The following TULP4 variants were observed in gnomAD, a reference collection of about 807,000 sequenced individuals.
TULP4 encodes TUB like protein 4.
TULP4 carries 16 observed loss-of-function variants against 129.0 expected under a neutral mutation model. The observed-to-expected ratio is 0.12, with a 90% CI of 0.08 to 0.19. The LOEUF (loss-of-function observed/expected upper bound fraction) is 0.19, where lower values mean the gene tolerates loss of function less well. Among genes scored for constraint, TULP4 ranks in the 10% least tolerant of loss-of-function variants. The pLI is 1.00. For synonymous variants in TULP4, 998 were observed against 854.0 expected (o/e 1.17, Z -2.94); for missense variants, 1,842 against 2,059.1 (o/e 0.89, Z 2.04).
upstream of TULP4, among the ~76,000 whole-genome samples, chr6:158,280,681 A>T (rs1778733152): frequency 6.6e-6 from 1 of 152,236 alleles, no homozygotes; most frequent in Admixed American, 6.5e-5. Flanking sequence ...TTAATTGAAG[A>T]TATGATTTTG....
chr6:158,502,373 C>A lies in TULP4; in HGVS notation c.2710C>A (p.Arg904Ser). 6.2e-7 allele frequency: 1 copy of A among 1,613,800 alleles called. No individual in the cohort carries two copies. Among genetic ancestry groups the A allele is most frequent in the Non-Finnish European group, 8.5e-7 (1 of 1,179,950 alleles). ...SGNVEEVCRP[R>S]TRMLCSQNTY... ...CAACGTGGAGGAGGTGTGCCGGCCC[C>A]GCACCCGGATGCTGTGCTCCCAGAA... is the stretch of plus-strand genomic sequence containing the variant. The change falls in exon 13 of 14, where the codon CGC becomes AGC. Residue 904 changes from arginine to serine, a missense_variant. Arg to Ser is a moderately radical substitution (Grantham distance 110, BLOSUM62 -1). This residue lies in a region of TULP4 where 1,089 missense variants were observed against 987.1 expected (regional missense o/e 1.10). Coordinates refer to ENST00000367097, the MANE Select transcript of TULP4 (RefSeq NM_020245.5).
chr6:158,393,100 T>C (rs920913546), intron 1 of TULP4, among the ~76,000 whole-genome samples: 2 of 152,122 alleles, frequency 1.3e-5, no homozygotes, highest in Admixed American at 1.3e-4. Flanking sequence ...ACAAAGGGGC[T>C]ACAGGCCCCA....
rs571834354 is a variant in TULP4 at position 158,395,673 on chromosome 6, G to A, written c.253-17392G>A. 3.2e-4 allele frequency among the ~76,000 whole-genome samples: 42 copies of A among 132,100 alleles called. 4 individuals are homozygous for A. The highest frequency in any genetic ancestry group is 1.2e-3 in the African/African-American group (42 of 36,184). 86.7% of individuals were successfully genotyped at this position (132,100 alleles called of 152,430 possible). A position where few individuals can be genotyped will look rare whatever the true frequency, so the allele number is the denominator to read the frequency against. On this transcript the variant is annotated intron_variant, in intron 1 of 13. Coordinates refer to ENST00000367097, the MANE Select transcript of TULP4 (RefSeq NM_020245.5). ...CCCTGAGGTAAAGTGATGGGCGGGG[G>A]GGGGGTCATGGCAGAAGCACCTGGG...
intron 1 of TULP4, among the ~76,000 whole-genome samples, chr6:158,343,546 G>T (rs568889577): frequency 5.4e-4 from 82 of 152,132 alleles, no homozygotes; most frequent in African/African-American, 1.9e-3. Context: ...GCCCTAGAGA[G>T]CTCGCACCCT....
At chr6:158,504,772 G>A (rs1049349187) in intron 13 of TULP4, among the ~76,000 whole-genome samples, 6 of 151,998 alleles carry the variant, frequency 3.9e-5, no homozygotes, top group Non-Finnish European at 5.9e-5. Flanking sequence ...GATTACAGGC[G>A]TGAGCCAACG....
chr6:158,406,311 T>G (rs1296732863), intron 1 of TULP4, among the ~76,000 whole-genome samples: 1 of 152,168 alleles, frequency 6.6e-6, no homozygotes, highest in Non-Finnish European at 1.5e-5. Flanking sequence ...GATGTCTGTT[T>G]TAGCTCTAAA....
At chr6:158,415,332 TTAGA>T (rs34969218) in intron 2 of TULP4, among the ~76,000 whole-genome samples, 36,371 of 149,946 alleles carry the variant, frequency 0.24, 5,509 homozygotes, top group Non-Finnish European at 0.34. Context: ...TTTTATTATT[TTAGA>T]TAGAGTGTGC....
At chr6:158,265,098 C>T (rs1778424838) in intron 1 of TULP4, among the ~76,000 whole-genome samples, 1 of 152,126 alleles carries the variant, frequency 6.6e-6, no homozygotes, top group Non-Finnish European at 1.5e-5. Context: ...AGCACTGTCA[C>T]CACTGGTCTT....
chr6:158,283,893 C>T (rs769952807), intron 1 of TULP4, among the ~76,000 whole-genome samples: 24 of 152,072 alleles, frequency 1.6e-4, no homozygotes, highest in Admixed American at 5.9e-4. Context: ...TCTCCTTTGA[C>T]GGCTTATGTA....
chr6:158,330,755 C>A (rs1779859671), intron 1 of TULP4, among the ~76,000 whole-genome samples: 1 of 152,192 alleles, frequency 6.6e-6, no homozygotes, highest in Admixed American at 6.5e-5. Context: ...AGTTTAGGAC[C>A]ACACACTGCA....
intron 1 of TULP4, among the ~76,000 whole-genome samples, chr6:158,384,828 A>C (rs1391987034): frequency 6.6e-6 from 1 of 152,190 alleles, no homozygotes; most frequent in Non-Finnish European, 1.5e-5. Context: ...CTTGTGGGAC[A>C]AGGAGATTGT....
At chr6:158,365,010 C>T (rs1362180364) in intron 1 of TULP4, among the ~76,000 whole-genome samples, 2 of 152,086 alleles carry the variant, frequency 1.3e-5, no homozygotes, top group African/African-American at 4.8e-5. Flanking sequence ...GCTGGGATTA[C>T]AGGCGTGAGC....
intron 1 of TULP4, among the ~76,000 whole-genome samples, chr6:158,325,806 G>A (rs532542762): frequency 6.6e-6 from 1 of 152,248 alleles, no homozygotes; most frequent in East Asian, 1.9e-4. Flanking sequence ...AAGCTCAGTA[G>A]TGTGAGTTAA....
intron 1 of TULP4, among the ~76,000 whole-genome samples, chr6:158,356,635 TAAC>T (rs1780653825): frequency 6.6e-6 from 1 of 152,124 alleles, no homozygotes; most frequent in South Asian, 2.1e-4. Context: ...GTCCAATTCT[TAAC>T]AACGTCAGGA....
In TULP4 at chr6:158,502,240, C is replaced by G. The variant is rs759913942; in HGVS notation, c.2577C>G (p.Pro859=). 1.3e-6 allele frequency: 2 copies of G among 1,588,896 alleles called. No homozygotes were observed. The highest frequency in any genetic ancestry group is 1.1e-5 in the South Asian group (1 of 89,316). Residue 859 remains proline, a synonymous_variant, in exon 13 of 14, where the codon CCC becomes CCG. Transcript: ENST00000367097. ...CGCCCCCTCTGCCGCCCCCACAGCCCCCAGTGGATGTGTGCTTGAAGAAGG... is the reference window on the plus strand; with the variant it reads ...CGCCCCCTCTGCCGCCCCCACAGCCGCCAGTGGATGTGTGCTTGAAGAAGG... ...APPPPLPPPQ[P]PVDVCLKKGD... is the part of the protein sequence containing the mutation.
intron 6 of TULP4, 70 bp from the exon 7 acceptor site, chr6:158,479,681 G>A (rs974540563): frequency 9.0e-6 from 13 of 1,439,310 alleles, no homozygotes; most frequent in East Asian, 2.3e-5. Context: ...CGAGACAAGT[G>A]TGCATTATCC....
chr6:158,386,925 G>T (rs1372405489), intron 1 of TULP4, among the ~76,000 whole-genome samples: 2 of 152,122 alleles, frequency 1.3e-5, no homozygotes, highest in Admixed American at 6.5e-5. Flanking sequence ...AATTGTCAGA[G>T]AATTAGTATA....
At chr6:158,466,680 A>C (rs1298051039) in intron 6 of TULP4, among the ~76,000 whole-genome samples, 3 of 152,222 alleles carry the variant, frequency 2.0e-5, no homozygotes, top group African/African-American at 7.2e-5. Context: ...TGTGGCTGGC[A>C]CTGAGCTCTG....
chr6:158,233,265 G>A (rs1002646167), intron 1 of TULP4, among the ~76,000 whole-genome samples: 2 of 152,226 alleles, frequency 1.3e-5, no homozygotes, highest in Non-Finnish European at 2.9e-5. Context: ...CCCTCGCCAG[G>A]AACTGTCTCC....
Sources: gnomAD v4.1 joint callset for allele counts (sites outside exome capture counted in the v4.1 genomes callset) on GRCh38, gnomAD v4.1.1 for gene constraint, gnomAD v4.1.1 regional missense constraint, MANE v1.5 for transcripts, NCBI Gene and HGNC (gene_info 2026-07-23, HGNC 2026-07-21) for gene names.